Variants in CYP27A1 observed in about 807,000 individuals in gnomAD.
CYP27A1 encodes the protein sterol 26-hydroxylase, mitochondrial.
In CYP27A1, 46 loss-of-function variants were observed where a neutral mutation model predicts 58.2. The observed-to-expected ratio is 0.79, with a 90% CI of 0.62 to 1.01. The LOEUF is 1.01. CYP27A1 is among the 50% of genes least tolerant of loss of function. CYP27A1 has a pLI of 0.00. For synonymous variants in CYP27A1, 274 were observed against 285.1 expected (o/e 0.96, Z 0.39); for missense variants, 704 against 687.0 (o/e 1.02, Z -0.28).
intron 1 of CYP27A1, among the ~76,000 whole-genome samples, chr2:218,784,795 C>G (rs1196959540): frequency 6.6e-6 from 1 of 152,172 alleles, no homozygotes; most frequent in Non-Finnish European, 1.5e-5. Context: ...ATGTTTAAAA[C>G]TGGATTCTGA....
chr2:218,795,352 G>A (rs1211112087), intron 1 of CYP27A1, among the ~76,000 whole-genome samples: 1 of 152,186 alleles, frequency 6.6e-6, no homozygotes, highest in Non-Finnish European at 1.5e-5. Flanking sequence ...CTTATCATAA[G>A]CCAAATGCTA....
intron 1 of CYP27A1, among the ~76,000 whole-genome samples, chr2:218,800,994 T>C (rs1248824073): frequency 6.6e-6 from 1 of 152,244 alleles, no homozygotes; most frequent in Non-Finnish European, 1.5e-5. Flanking sequence ...TGGTATACTT[T>C]TAGATTTTTT....
At chr2:218,799,179 C>G (rs773996910) in intron 1 of CYP27A1, among the ~76,000 whole-genome samples, 5 of 152,168 alleles carry the variant, frequency 3.3e-5, no homozygotes, top group Non-Finnish European at 5.9e-5. Flanking sequence ...CACCCCTCCC[C>G]CTAATGCTCT....
In CYP27A1 at chr2:218,814,942, C is replaced by A. The variant is rs776752717; in HGVS notation, c.1508C>A (p.Pro503Gln). 1 of 1,614,104 alleles carries A rather than the reference C, an allele frequency of 6.2e-7. No individual in the cohort carries two copies. Among genetic ancestry groups the A allele is most frequent in the East Asian group, 2.2e-5 (1 of 44,894 alleles). ...LIQKYKVVLA[P>Q]ETGELKSVAR... Reference sequence around the variant, plus strand: ...CAGAAGTACAAGGTGGTCCTGGCCCCGGAGACGGGGGAGTTGAAGAGTGTG... The same window carrying A: ...CAGAAGTACAAGGTGGTCCTGGCCCAGGAGACGGGGGAGTTGAAGAGTGTG... Residue 503 changes from proline to glutamine, a missense_variant, in exon 9 of 9, where the codon CCG becomes CAG. Physicochemically the swap from Pro to Gln is moderately conservative, Grantham distance 76 (BLOSUM62 -1). Transcript: ENST00000258415.
intron 2 of CYP27A1, among the ~76,000 whole-genome samples, chr2:218,810,778 T>G (rs1943704384): frequency 1.3e-5 from 2 of 152,172 alleles, no homozygotes; most frequent in South Asian, 4.1e-4. Flanking sequence ...GTTTATCTTT[T>G]TGCAATTTTC....
chr2:218,794,290 A>G (rs1274843766), intron 1 of CYP27A1, among the ~76,000 whole-genome samples: 1 of 152,200 alleles, frequency 6.6e-6, no homozygotes, highest in Non-Finnish European at 1.5e-5. Context: ...AAGGATTGGG[A>G]TAAGGATGAA....
In CYP27A1 at chr2:218,813,204, C is replaced by CT. The variant is rs1189630558; in HGVS notation, c.1017+113dup. 3 of 1,043,836 alleles carry CT rather than the reference C, an allele frequency of 2.9e-6. No individual in the cohort carries two copies. The African/African-American group carries it at 4.8e-5, about 17-fold the overall frequency. The allele number at this position is 1,043,836 out of a possible 1,614,324, so 64.7% of individuals were successfully genotyped here. On this transcript the variant is annotated intron_variant, in intron 5 of 8. Transcript: ENST00000258415. Reference sequence around the variant, plus strand: ...CCTTCATCCCTCCAAGGACCTGCTTCTTTTTCTGTAACATGGATACAGCCC... The same window carrying CT: ...CCTTCATCCCTCCAAGGACCTGCTTCTTTTTTCTGTAACATGGATACAGCCC...
At chr2:218,796,379 G>A (rs1349534157) in intron 1 of CYP27A1, among the ~76,000 whole-genome samples, 1 of 152,196 alleles carries the variant, frequency 6.6e-6, no homozygotes, top group Non-Finnish European at 1.5e-5. Flanking sequence ...GATCACCTGA[G>A]GTTAGGAGTT....
chr2:218,806,464 C>T (rs1029011919), intron 1 of CYP27A1, among the ~76,000 whole-genome samples: 10 of 152,206 alleles, frequency 6.6e-5, no homozygotes, highest in Non-Finnish European at 1.0e-4. Context: ...GCTAGGCACC[C>T]GGCAACGCAC....
chr2:218,807,309 TAAA>T (rs1943662265), intron 1 of CYP27A1, among the ~76,000 whole-genome samples: 1 of 152,086 alleles, frequency 6.6e-6, no homozygotes, highest in South Asian at 2.1e-4. Flanking sequence ...AAGTATTTTT[TAAA>T]AAGCAACCTT....
At chr2:218,804,952 C>G (rs1943636279) in intron 1 of CYP27A1, among the ~76,000 whole-genome samples, 1 of 152,182 alleles carries the variant, frequency 6.6e-6, no homozygotes. Context: ...TTGTAGTTGG[C>G]TGCCTTCTTC....
At chr2:218,797,263 C>A (rs1234165277) in intron 1 of CYP27A1, among the ~76,000 whole-genome samples, 1 of 152,052 alleles carries the variant, frequency 6.6e-6, no homozygotes, top group East Asian at 1.9e-4. Flanking sequence ...CCACACCTGG[C>A]TAATGTTTTG....
chr2:218,815,118 G>C lies in CYP27A1; in HGVS notation c.*88G>C. On this transcript the variant is annotated 3_prime_UTR_variant, in exon 9 of 9. Coordinates refer to ENST00000258415, the MANE Select transcript of CYP27A1 (RefSeq NM_000784.4). The stretch of plus-strand genomic sequence containing the variant: ...GCTGCTGCCATGTCTCAGATGAGGA[G>C]GGAGAGAAGGAGGCCGCCAGACTCG... 1.3e-6 allele frequency: 2 copies of C among 1,561,004 alleles called. No homozygotes were observed. Among genetic ancestry groups the C allele is most frequent in the South Asian group, 2.2e-5 (2 of 88,898 alleles).
intron 1 of CYP27A1, among the ~76,000 whole-genome samples, chr2:218,789,135 T>C (rs942838465): frequency 6.6e-6 from 1 of 152,244 alleles, no homozygotes; most frequent in African/African-American, 2.4e-5. Context: ...CATGCAAGAA[T>C]ATTCAAGGCA....
chr2:218,794,243 C>T (rs1440945885), intron 1 of CYP27A1, among the ~76,000 whole-genome samples: 3 of 152,172 alleles, frequency 2.0e-5, no homozygotes, highest in Admixed American at 1.3e-4. Context: ...TGTCTCATTC[C>T]CCACTCTAAA....
At chr2:218,792,260 G>T (rs547402165) in intron 1 of CYP27A1, among the ~76,000 whole-genome samples, 1 of 152,168 alleles carries the variant, frequency 6.6e-6, no homozygotes, top group Non-Finnish European at 1.5e-5. Context: ...CAATTTAGGT[G>T]CATAGCACTA....
Position 218,809,605 on chromosome 2 carries a change from T to C in CYP27A1, c.284T>C (p.Met95Thr). Residue 95 changes from methionine to threonine, a missense_variant, in exon 2 of 9, where the codon ATG (methionine) becomes ACG (threonine). Physicochemically the swap from Met to Thr is moderately conservative, Grantham distance 81. Transcript: ENST00000258415. ...CTTTACAAGGCCAAGTACGGTCCAA[T>C]GTGGATGTCCTACTTAGGGCCTCAG... ...QVLYKAKYGP[M>T]WMSYLGPQMH... 1 of 1,614,130 alleles carries C rather than the reference T, an allele frequency of 6.2e-7. No homozygotes were observed.
At chr2:218,799,986 A>G (rs2105975182) in intron 1 of CYP27A1, among the ~76,000 whole-genome samples, 1 of 152,214 alleles carries the variant, frequency 6.6e-6, no homozygotes, top group African/African-American at 2.4e-5. Context: ...AGTCCTGTTC[A>G]TCTTGACGGG....
At chr2:218,790,981 G>A (rs1033721025) in intron 1 of CYP27A1, among the ~76,000 whole-genome samples, 3 of 152,046 alleles carry the variant, frequency 2.0e-5, no homozygotes, top group Non-Finnish European at 4.4e-5. Flanking sequence ...GATTACAGGT[G>A]TGAGCCCCTG....
Sources: allele counts gnomAD v4.1 joint callset (sites outside exome capture counted in the v4.1 genomes callset), GRCh38; gene constraint gnomAD v4.1.1; transcripts MANE v1.5; gene names NCBI Gene and HGNC (gene_info 2026-07-23, HGNC 2026-07-21).